ACTR3C: variants seen among roughly 807,000 people sequenced by gnomAD.
ACTR3C encodes actin-related protein 3C.
ACTR3C carries 18 observed loss-of-function variants against 26.3 expected under a neutral mutation model. The ratio of observed to expected loss-of-function variants is 0.68; its 90% CI spans 0.47 to 1.01. The LOEUF is 1.01. ACTR3C is among the 50% of genes least tolerant of loss of function. The pLI, the probability that ACTR3C is intolerant of heterozygous loss-of-function variation, is 0.00. For missense variants in ACTR3C, 184 were observed against 250.7 expected (o/e 0.73, Z 1.80); for synonymous variants, 55 against 94.5 (o/e 0.58, Z 2.42).
chr7:149,896,034 CAAAAA>C, the ACTR3C span, among the ~76,000 whole-genome samples: 23,923 of 84,192 alleles, frequency 0.28, 1,619 homozygotes, highest in Middle Eastern at 0.32. Flanking sequence ...CCTGTCTCTA[CAAAAA>C]AAAAAAAAAA....
chr7:150,147,585 A>C, the ACTR3C span, among the ~76,000 whole-genome samples: 1 of 151,704 alleles, frequency 6.6e-6, no homozygotes, highest in Admixed American at 6.6e-5. Flanking sequence ...ATCATTCATT[A>C]ATTATTACAT....
the ACTR3C span, among the ~76,000 whole-genome samples, chr7:150,174,117 A>G: frequency 2.1e-5 from 3 of 139,544 alleles, no homozygotes; most frequent in Non-Finnish European, 4.4e-5. Flanking sequence ...ATTTTCAGGT[A>G]TCTTTTCAGC....
At chr7:149,919,583 CTGAA>C in the ACTR3C span, among the ~76,000 whole-genome samples, 1 of 152,052 alleles carries the variant, frequency 6.6e-6, no homozygotes, top group South Asian at 2.1e-4. Flanking sequence ...CTTTTACTTT[CTGAA>C]TGAATGACTT....
At chr7:150,301,915 G>A (rs1466197361) in intron 1 of ACTR3C, among the ~76,000 whole-genome samples, 3 of 152,148 alleles carry the variant, frequency 2.0e-5, no homozygotes, top group African/African-American at 2.4e-5. Context: ...TTTAGTTTGG[G>A]AAGATGAAAA....
chr7:150,152,696 A>T, the ACTR3C span, among the ~76,000 whole-genome samples: 2 of 152,128 alleles, frequency 1.3e-5, no homozygotes, highest in African/African-American at 4.8e-5. Context: ...GTTGATTGGA[A>T]TTGTTTCAGA....
chr7:150,043,924 T>C, the ACTR3C span, among the ~76,000 whole-genome samples: 1 of 151,918 alleles, frequency 6.6e-6, no homozygotes, highest in African/African-American at 2.4e-5. Context: ...AAAACCAAGG[T>C]GGAGGAAAAA....
the ACTR3C span, among the ~76,000 whole-genome samples, chr7:150,013,993 G>C: frequency 2.0e-5 from 3 of 152,294 alleles, no homozygotes; most frequent in African/African-American, 7.2e-5. Context: ...CTGCCAACCT[G>C]AGTGGCTGGG....
the ACTR3C span, among the ~76,000 whole-genome samples, chr7:150,190,508 C>T: frequency 1.5e-3 from 231 of 152,248 alleles, no homozygotes; most frequent in African/African-American, 5.2e-3. Flanking sequence ...TAAATTTACA[C>T]GTGAGTCTAT....
At chr7:150,295,512 G>A (rs1479546047) in intron 1 of ACTR3C, among the ~76,000 whole-genome samples, 165 bp from the exon 2 acceptor site, 2 of 152,426 alleles carry the variant, frequency 1.3e-5, no homozygotes, top group East Asian at 1.9e-4. Context: ...CTGGCCGTGG[G>A]CCTTAAAAGC....
chr7:150,115,164 T>C, the ACTR3C span, among the ~76,000 whole-genome samples: 1 of 152,244 alleles, frequency 6.6e-6, no homozygotes, highest in African/African-American at 2.4e-5. Flanking sequence ...AGTTCATTTT[T>C]CCACTGGATT....
chr7:150,046,347 G>GCCCCCCCCCC, the ACTR3C span, among the ~76,000 whole-genome samples: 2 of 16,986 alleles, frequency 1.2e-4, no homozygotes, highest in Non-Finnish European at 2.6e-4. Context: ...ATGTCTCACC[G>GCCCCCCCCCC]CCCCCCCCCC....
chr7:149,966,741 A>C, the ACTR3C span, among the ~76,000 whole-genome samples: 1 of 152,182 alleles, frequency 6.6e-6, no homozygotes, highest in Non-Finnish European at 1.5e-5. Context: ...TCTAGGACAC[A>C]TCCCTGCCAA....
At chr7:150,149,109 A>G in the ACTR3C span, among the ~76,000 whole-genome samples, 21 of 126,382 alleles carry the variant, frequency 1.7e-4, 2 homozygotes, top group Admixed American at 5.3e-4. Context: ...ATATATATAT[A>G]TATATATATA....
At chr7:150,151,874 TATA>T in the ACTR3C span, among the ~76,000 whole-genome samples, 1 of 137,732 alleles carries the variant, frequency 7.3e-6, no homozygotes, top group African/African-American at 2.5e-5. Context: ...AAACTTAAAG[TATA>T]ATAATAATAA....
the ACTR3C span, among the ~76,000 whole-genome samples, chr7:150,138,866 G>A: frequency 3.3e-5 from 5 of 152,424 alleles, no homozygotes; most frequent in Admixed American, 1.3e-4. Context: ...ATCCTCATAG[G>A]AGTGCAAACC....
chr7:149,986,266 T>A, the ACTR3C span, among the ~76,000 whole-genome samples: 12 of 152,148 alleles, frequency 7.9e-5, no homozygotes, highest in African/African-American at 2.4e-4. Flanking sequence ...ATCCCCTTTC[T>A]CGCTCATCCC....
the ACTR3C span, among the ~76,000 whole-genome samples, chr7:150,040,892 G>A: frequency 6.7e-6 from 1 of 149,306 alleles, no homozygotes; most frequent in African/African-American, 2.6e-5. Flanking sequence ...AGGCCTTTAT[G>A]TTCAGGTTTT....
chr7:149,953,577 C>T, the ACTR3C span, among the ~76,000 whole-genome samples: 1 of 152,298 alleles, frequency 6.6e-6, no homozygotes, highest in African/African-American at 2.4e-5. Flanking sequence ...CCTTCAAAGA[C>T]CAAGCAGTCC....
At chr7:150,310,170 C>G (rs1356573374) in intron 1 of ACTR3C, among the ~76,000 whole-genome samples, 1 of 152,162 alleles carries the variant, frequency 6.6e-6, no homozygotes, top group Non-Finnish European at 1.5e-5. Flanking sequence ...ACAGCCACAC[C>G]TCACTGCTGT....
Sources: allele counts gnomAD v4.1 joint callset (sites outside exome capture counted in the v4.1 genomes callset), GRCh38; gene constraint gnomAD v4.1.1; transcripts MANE v1.5; gene names NCBI Gene and HGNC (gene_info 2026-07-23, HGNC 2026-07-21).